The following KSR2 variants were observed in gnomAD, a reference collection of about 807,000 sequenced individuals.
KSR2 encodes kinase suppressor of ras 2.
KSR2 carries 25 observed loss-of-function variants against 107.8 expected under a neutral mutation model. The observed-to-expected ratio is 0.23, with a 90% CI of 0.17 to 0.32. KSR2 has a LOEUF of 0.32. Ranked by LOEUF, KSR2 falls within the 10% of genes least tolerant of loss-of-function variation. The pLI is 1.00. For missense variants in KSR2, 887 were observed against 1,268.9 expected, an observed-to-expected ratio of 0.70 and a Z score of 4.57; for synonymous variants, 480 against 507.0, an observed-to-expected ratio of 0.95 and a Z score of 0.71.
chr12:117,705,894 G>A (rs886699001), intron 4 of KSR2, among the ~76,000 whole-genome samples: 3 of 152,058 alleles, frequency 2.0e-5, no homozygotes, highest in African/African-American at 4.8e-5. Context: ...ACTCACCACT[G>A]TGAGCCTCAG....
intron 4 of KSR2, among the ~76,000 whole-genome samples, chr12:117,726,129 C>G (rs199579377): frequency 6.6e-6 from 1 of 152,088 alleles, no homozygotes; most frequent in Non-Finnish European, 1.5e-5. Flanking sequence ...GATAGCATCA[C>G]TGCACTCCAG....
At chr12:117,928,895 G>A (rs543046077) in intron 1 of KSR2, among the ~76,000 whole-genome samples, 30 of 152,026 alleles carry the variant, frequency 2.0e-4, no homozygotes, top group Middle Eastern at 3.4e-3. Context: ...GCAAAGGCAA[G>A]TGCCTGGTTT....
At chr12:117,904,575 C>T (rs1005956489) in intron 1 of KSR2, among the ~76,000 whole-genome samples, 1 of 152,180 alleles carries the variant, frequency 6.6e-6, no homozygotes, top group Non-Finnish European at 1.5e-5. Context: ...ATATTGGACA[C>T]CCACTATGTG....
chr12:117,558,160 C>A (rs1877837363), intron 8 of KSR2, among the ~76,000 whole-genome samples: 1 of 152,144 alleles, frequency 6.6e-6, no homozygotes, highest in African/African-American at 2.4e-5. Context: ...AAACACCCAG[C>A]CAGTGCTCTT....
rs149663987 is a variant in KSR2 at position 117,664,498 on chromosome 12, G to T, written c.1171+2976C>A. 4.2e-3 allele frequency among the ~76,000 whole-genome samples: 642 copies of T among 152,250 alleles called. 10 individuals carry two copies. The highest frequency in any genetic ancestry group is 0.014 in the African/African-American group (597 of 41,560). ...GGGAGTTCTCTTCTGGAATTCACTGGCATGGGAATGGGAACTATTACAAAC... is the reference window on the plus strand; with the variant it reads ...GGGAGTTCTCTTCTGGAATTCACTGTCATGGGAATGGGAACTATTACAAAC... On this transcript the variant is annotated intron_variant, in intron 5 of 19. Transcript: ENST00000339824.
intron 1 of KSR2, among the ~76,000 whole-genome samples, chr12:117,891,435 A>C (rs1318250951): frequency 6.6e-6 from 1 of 151,506 alleles, no homozygotes; most frequent in Non-Finnish European, 1.5e-5. Context: ...AAAAGAAAGA[A>C]AAGAAATGTT....
chr12:117,816,792 G>A lies in KSR2; in HGVS notation c.472+38636C>T, dbSNP rs190643250. Among the ~76,000 whole-genome samples the A allele has an allele frequency of 5.8e-4, 89 of 152,300 alleles. 1 individual carries two copies. Among genetic ancestry groups the A allele is most frequent in the African/African-American group, 2.1e-3 (89 of 41,570 alleles). On this transcript the variant is annotated intron_variant, in intron 3 of 19. Transcript: ENST00000339824. ...TTTGGTTAATTCACACAACCATCCT[G>A]TGGCAAAGAACGATCATCACCCCCA... is the stretch of plus-strand genomic sequence containing the variant.
intron 16 of KSR2, among the ~76,000 whole-genome samples, chr12:117,479,803 C>T (rs920949681): frequency 6.6e-6 from 1 of 152,240 alleles, no homozygotes; most frequent in Non-Finnish European, 1.5e-5. Flanking sequence ...GTTAAATCAG[C>T]TCTTGCTTCT....
At chr12:117,491,582 G>A (rs1330768646) in intron 14 of KSR2, among the ~76,000 whole-genome samples, 2 of 152,154 alleles carry the variant, frequency 1.3e-5, no homozygotes, top group African/African-American at 4.8e-5. Context: ...TTTTAAGGCT[G>A]AATAATACTC....
At position 117,466,174 on chromosome 12, in the gene KSR2, TATCATAGGTACAGCCACA is replaced by T. The variant is rs938478517; in HGVS notation, c.*1007_*1024del. ...GCAGGGAAATCTTTTGCAAACGTGT[TATCATAGGTACAGCCACA>T]TAACCCAACATGGACGTACCCCAAG... On this transcript the variant is annotated 3_prime_UTR_variant, in exon 20 of 20. Coordinates refer to ENST00000339824, the MANE Select transcript of KSR2 (RefSeq NM_173598.6). 1 of 152,244 alleles carries T rather than the reference TATCATAGGTACAGCCACA, an allele frequency of 6.6e-6. No homozygotes were observed. The highest frequency in any genetic ancestry group is 1.5e-5 in the Non-Finnish European group (1 of 68,086). 9.4% of individuals were successfully genotyped at this position (152,244 alleles called of 1,614,324 possible).
At chr12:117,551,531 G>A (rs545158191) in intron 9 of KSR2, among the ~76,000 whole-genome samples, 1 of 152,164 alleles carries the variant, frequency 6.6e-6, no homozygotes, top group Non-Finnish European at 1.5e-5. Context: ...TTAAAGAGCT[G>A]AGTTGCAAGC....
intron 8 of KSR2, 126 bp from the exon 9 acceptor site, chr12:117,555,419 G>T: frequency 1.1e-6 from 1 of 879,454 alleles, no homozygotes; most frequent in Non-Finnish European, 1.8e-6. Context: ...TTCACTAAAA[G>T]TGATAATGAT....
At chr12:117,488,580 T>C (rs1872591273) in intron 14 of KSR2, among the ~76,000 whole-genome samples, 1 of 152,172 alleles carries the variant, frequency 6.6e-6, no homozygotes, top group African/African-American at 2.4e-5. Context: ...TTCCTTGCCA[T>C]ATGAGGATAT....
chr12:117,541,245 GGCAGGGGGGAACA>G (rs1442691822), intron 9 of KSR2, among the ~76,000 whole-genome samples: 4 of 147,704 alleles, frequency 2.7e-5, no homozygotes, highest in Non-Finnish European at 5.9e-5. Context: ...CAGGGAGGCA[GGCAGGGGGGAACA>G]GTAGCTGATG....
chr12:117,795,903 AT>A (rs1890608162), intron 3 of KSR2, among the ~76,000 whole-genome samples: 1 of 152,048 alleles, frequency 6.6e-6, no homozygotes, highest in African/African-American at 2.4e-5. Flanking sequence ...GAGCCGCCAC[AT>A]CTGGCCAAAG....
chr12:117,804,542 C>T (rs529602827), intron 3 of KSR2, among the ~76,000 whole-genome samples: 33 of 152,174 alleles, frequency 2.2e-4, no homozygotes, highest in Admixed American at 1.4e-3. Flanking sequence ...AAATGGCAGC[C>T]GAACAATAAT....
chr12:117,651,652 T>A (rs1356860904), intron 5 of KSR2, among the ~76,000 whole-genome samples: 15 of 152,076 alleles, frequency 9.9e-5, no homozygotes, highest in Non-Finnish European at 7.4e-5. Context: ...TGTGAGTGAG[T>A]TGGAAATGCC....
chr12:117,654,906 AGTGGCCACG>A (rs1383807460), intron 5 of KSR2, among the ~76,000 whole-genome samples: 18 of 152,168 alleles, frequency 1.2e-4, no homozygotes, highest in Non-Finnish European at 2.4e-4. Flanking sequence ...CCATGAACAA[AGTGGCCACG>A]GTGGCAGGGA....
chr12:117,649,926 C>G (rs1379717755), intron 5 of KSR2, among the ~76,000 whole-genome samples: 1 of 152,210 alleles, frequency 6.6e-6, no homozygotes, highest in Non-Finnish European at 1.5e-5. Flanking sequence ...GAGTGCTCCT[C>G]AAAGTCTTTG....
Sources: allele counts gnomAD v4.1 joint callset (sites outside exome capture counted in the v4.1 genomes callset), GRCh38; gene constraint gnomAD v4.1.1; transcripts MANE v1.5; gene names NCBI Gene and HGNC (gene_info 2026-07-23, HGNC 2026-07-21).